Variants in DDI2 observed in about 807,000 individuals in gnomAD.
DDI2 encodes protein DDI1 homolog 2.
A neutral mutation model predicts 48.1 loss-of-function variants in DDI2; 5 were observed. The observed-to-expected ratio is 0.10, with a 90% CI of 0.05 to 0.22. DDI2 has a LOEUF of 0.22. Among genes scored for constraint, DDI2 ranks in the 10% least tolerant of loss-of-function variants. The probability of loss-of-function intolerance (pLI) is 1.00; values close to 1 mark genes in which losing one functional copy is unlikely to be tolerated. For synonymous variants in DDI2, 205 were observed against 183.6 expected (o/e 1.12, Z -0.94); for missense variants, 285 against 506.2 (o/e 0.56, Z 4.19).
intron 8 of DDI2, among the ~76,000 whole-genome samples, chr1:15,653,271 TATTTTA>T (rs1640221195): frequency 2.8e-5 from 4 of 141,206 alleles, no homozygotes; most frequent in Non-Finnish European, 6.3e-5. Flanking sequence ...TTATTTTATT[TATTTTA>T]TTTTATTTTA....
Position 15,624,670 on chromosome 1 carries a change from A to G in DDI2, c.139-1999A>G, listed in dbSNP as rs190524609. Among the ~76,000 whole-genome samples, 374 of 151,798 alleles carry G rather than the reference A, an allele frequency of 2.5e-3. 5 individuals are homozygous for G. Among genetic ancestry groups the G allele is most frequent in the Non-Finnish European group, 1.8e-3 (120 of 67,962 alleles). On this transcript the variant is annotated intron_variant, in intron 1 of 9. Coordinates refer to ENST00000480945, the MANE Select transcript of DDI2 (RefSeq NM_032341.5). The stretch of plus-strand genomic sequence containing the variant: ...TTTTTTTTAGATATGCGGTCTCACT[A>G]TGTTGCCCAGGCTGGTCTCAAACTC...
chr1:15,640,173 C>T (rs1173404124), intron 5 of DDI2, among the ~76,000 whole-genome samples: 7 of 151,818 alleles, frequency 4.6e-5, no homozygotes, highest in Non-Finnish European at 7.4e-5. Flanking sequence ...CTCAGAGGTC[C>T]CCGTGTGAGT....
intron 2 of DDI2, 157 bp downstream of exon 2, chr1:15,626,955 A>T (rs1639764183): frequency 1.1e-6 from 1 of 950,844 alleles, no homozygotes; most frequent in African/African-American, 1.7e-5. Context: ...AAGTATTTTA[A>T]TGTCTCTAAA....
At chr1:15,623,925 G>T (rs1466385554) in intron 1 of DDI2, among the ~76,000 whole-genome samples, 8 of 152,094 alleles carry the variant, frequency 5.3e-5, no homozygotes, top group Admixed American at 1.3e-4. Context: ...TTAGCCGCTT[G>T]TGGGGGCAGG....
Position 15,660,126 on chromosome 1 carries a change from T to C in DDI2, c.*336T>C. The stretch of plus-strand genomic sequence containing the variant: ...CTGATCATGCTTCCTCAGCAGACCA[T>C]GCTCCAACAGACCAGAGTCCAGCTA... On this transcript the variant is annotated 3_prime_UTR_variant, in exon 10 of 10. Transcript: ENST00000480945. 1.2e-6 allele frequency: 2 copies of C among 1,614,224 alleles called. No homozygotes were observed. The highest frequency in any genetic ancestry group is 1.7e-6 in the Non-Finnish European group (2 of 1,180,040).
Position 15,651,996 on chromosome 1 carries a change from T to C in DDI2, c.1183+101T>C. ...AGGAACCTTTCCAGTTTTTAATTAGTCTCATGGTCCAGTAGTAGATGTGTT... is the reference window on the plus strand; with the variant it reads ...AGGAACCTTTCCAGTTTTTAATTAGCCTCATGGTCCAGTAGTAGATGTGTT... On this transcript the variant is annotated intron_variant, in intron 8 of 9. Coordinates refer to ENST00000480945, the MANE Select transcript of DDI2 (RefSeq NM_032341.5). 3.3e-6 allele frequency: 4 copies of C among 1,215,854 alleles called. No individual in the cohort carries two copies. The East Asian group carries it at 1.1e-4, about 32-fold the overall frequency. 75.3% of individuals were successfully genotyped at this position (1,215,854 alleles called of 1,614,324 possible). A position where few individuals can be genotyped will look rare whatever the true frequency, so the allele number is the denominator to read the frequency against.
At chr1:15,656,009 C>A (rs900417495) in intron 8 of DDI2, among the ~76,000 whole-genome samples, 3 of 151,686 alleles carry the variant, frequency 2.0e-5, no homozygotes, top group Non-Finnish European at 4.4e-5. Context: ...AAAAAAAAAA[C>A]ATGTTTTTGA....
rs1271745275 is a variant in DDI2, at chr1:15,626,716, T to C, written c.186T>C (p.Ala62=). 5.0e-6 allele frequency: 8 copies of C among 1,614,216 alleles called. No homozygotes were observed. Among genetic ancestry groups the C allele is most frequent in the Admixed American group, 1.7e-5 (1 of 60,016 alleles). The change falls in exon 2 of 10, where the codon GCT becomes GCC. Residue 62 remains alanine (A), a synonymous_variant. Transcript: ENST00000480945. The stretch of plus-strand genomic sequence containing the variant: ...TCACAGACAACCACAGATCATTGGC[T>C]TCTTATGGCTTGAAAGATGGGGACG... ...RPLTDNHRSL[A]SYGLKDGDVV...
intron 7 of DDI2, among the ~76,000 whole-genome samples, chr1:15,650,383 G>A (rs1040383802): frequency 6.6e-6 from 1 of 152,128 alleles, no homozygotes; most frequent in Non-Finnish European, 1.5e-5. Flanking sequence ...GATGAGATTA[G>A]GCATGCTCAG....
chr1:15,653,081 A>G (rs972670321), intron 8 of DDI2, among the ~76,000 whole-genome samples: 2 of 152,110 alleles, frequency 1.3e-5, no homozygotes, highest in African/African-American at 4.8e-5. Flanking sequence ...TGTTTAAGAT[A>G]GATTGGGGTT....
rs1241009134 is a variant in DDI2, at chr1:15,620,617, A to C, written c.138+2809A>C. On this transcript the variant is annotated intron_variant, in intron 1 of 9. Transcript: ENST00000480945. ...TTTTTTCCTGCCACTATGTGTCCACACCACTGGTGTCCAAACTTTCATTCA... is the reference window on the plus strand; with the variant it reads ...TTTTTTCCTGCCACTATGTGTCCACCCCACTGGTGTCCAAACTTTCATTCA... Among the ~76,000 whole-genome samples the C allele has an allele frequency of 2.0e-5, 3 of 152,232 alleles. No individual in the cohort carries two copies. In the East Asian group the frequency reaches 5.8e-4, roughly 29 times the overall value.
intron 1 of DDI2, among the ~76,000 whole-genome samples, chr1:15,623,846 G>A (rs944832214): frequency 2.0e-5 from 3 of 152,026 alleles, no homozygotes; most frequent in African/African-American, 7.2e-5. Flanking sequence ...AGATCACAAG[G>A]TTAGGAGATC....
chr1:15,639,865 G>A (rs372635259), intron 5 of DDI2, among the ~76,000 whole-genome samples: 9 of 151,918 alleles, frequency 5.9e-5, no homozygotes, highest in East Asian at 5.8e-4. Flanking sequence ...AAAATTAGCC[G>A]GGTGTGGTGG....
Position 15,660,286 on chromosome 1 carries a change from A to C in DDI2, c.*496A>C. ...TAGTTTATCTGTCACATCTACTAGG[A>C]TGCATGAACCACAGATGTTTCTAGG... is the stretch of plus-strand genomic sequence containing the variant. On this transcript the variant is annotated 3_prime_UTR_variant, in exon 10 of 10. Coordinates refer to ENST00000480945, the MANE Select transcript of DDI2 (RefSeq NM_032341.5). The C allele has an allele frequency of 6.2e-7, 1 of 1,614,200 alleles. No individual in the cohort carries two copies. Among genetic ancestry groups the C allele is most frequent in the Non-Finnish European group, 8.5e-7 (1 of 1,180,038 alleles).
At chr1:15,657,864 A>T (rs1186220031) in intron 9 of DDI2, among the ~76,000 whole-genome samples, 2 of 152,234 alleles carry the variant, frequency 1.3e-5, no homozygotes, top group Non-Finnish European at 2.9e-5. Flanking sequence ...CTAAACTGAG[A>T]TAAGTGCAGT....
chr1:15,625,247 G>C (rs776665421), intron 1 of DDI2, among the ~76,000 whole-genome samples: 1 of 152,182 alleles, frequency 6.6e-6, no homozygotes, highest in Non-Finnish European at 1.5e-5. Context: ...CACATGGGAA[G>C]GGTGAGGTCT....
chr1:15,660,042 T>A lies in DDI2; in HGVS notation c.*252T>A. On this transcript the variant is annotated 3_prime_UTR_variant, in exon 10 of 10. Coordinates refer to ENST00000480945, the MANE Select transcript of DDI2 (RefSeq NM_032341.5). Reference sequence around the variant, plus strand: ...CTAAAGCTGTGAAGGCTTTGAAGGCTTCAGCTGAATTCCAGCTAAACTCTG... The same window carrying A: ...CTAAAGCTGTGAAGGCTTTGAAGGCATCAGCTGAATTCCAGCTAAACTCTG... 9.9e-6 allele frequency: 16 copies of A among 1,614,026 alleles called. No individual in the cohort carries two copies. The highest frequency in any genetic ancestry group is 1.4e-5 in the Non-Finnish European group (16 of 1,179,982).
At position 15,643,665 on chromosome 1, in the gene DDI2, C is replaced by T. The variant is rs780032493; in HGVS notation, c.889+15C>T. 6.2e-7 allele frequency: 1 copy of T among 1,612,580 alleles called. No homozygotes were observed. The highest frequency in any genetic ancestry group is 1.7e-5 in the Admixed American group (1 of 59,690). ...GGTACATCTAGGTGAGCAAAAGGCACTGGGGCTTGCTGTCTTTCTGTAGGC... is the reference window on the plus strand; with the variant it reads ...GGTACATCTAGGTGAGCAAAAGGCATTGGGGCTTGCTGTCTTTCTGTAGGC... On this transcript the variant is annotated intron_variant, in intron 6 of 9. Coordinates refer to ENST00000480945, the MANE Select transcript of DDI2 (RefSeq NM_032341.5).
intron 1 of DDI2, among the ~76,000 whole-genome samples, chr1:15,623,556 G>GCTGCTTCTTCTTCTT (rs1553153009): frequency 2.1e-5 from 3 of 141,522 alleles, no homozygotes; most frequent in South Asian, 2.1e-4. Context: ...ACCATGCCTG[G>GCTGCTTCTTCTTCTT]CTTATTATTA....
Sources: gnomAD v4.1 joint callset for allele counts (sites outside exome capture counted in the v4.1 genomes callset) on GRCh38, gnomAD v4.1.1 for gene constraint, MANE v1.5 for transcripts, NCBI Gene and HGNC (gene_info 2026-07-23, HGNC 2026-07-21) for gene names.